OR1L8: variants seen among roughly 807,000 people sequenced by gnomAD.
OR1L8 encodes olfactory receptor 1L8.
For synonymous variants in OR1L8, 148 were observed against 147.0 expected, an observed-to-expected ratio of 1.01 and a Z score of -0.05; for missense variants, 330 against 377.4, an observed-to-expected ratio of 0.87 and a Z score of 1.04.
chr9:122,549,510 C>T, the OR1L8 span, among the ~76,000 whole-genome samples: 11 of 152,170 alleles, frequency 7.2e-5, no homozygotes, highest in Admixed American at 6.6e-4. Context: ...ACAGTTAAGT[C>T]TTTAATCCAT....
At chr9:122,553,863 G>A in the OR1L8 span, 43 of 1,613,918 alleles carry the variant, frequency 2.7e-5, no homozygotes, top group African/African-American at 2.3e-4. Context: ...CCTGCTGATC[G>A]TCTTCTCCTA....
At chr9:122,579,048 TAGAA>T (rs1215304977) in intron 1 of OR1L8, among the ~76,000 whole-genome samples, 1 of 150,396 alleles carries the variant, frequency 6.6e-6, no homozygotes. Flanking sequence ...TAAAAAAAAA[TAGAA>T]AGTCATTAAA....
chr9:122,574,772 G>T (rs986112357), intron 3 of OR1L8, among the ~76,000 whole-genome samples: 1 of 152,032 alleles, frequency 6.6e-6, no homozygotes, highest in African/African-American at 2.4e-5. Context: ...GTTCCTGAAT[G>T]TAATGGGAAA....
downstream of OR1L8, among the ~76,000 whole-genome samples, chr9:122,564,922 C>G (rs960444112): frequency 2.6e-5 from 4 of 152,184 alleles, no homozygotes; most frequent in African/African-American, 9.7e-5. Context: ...AGATGCCACA[C>G]TGGTCCATTA....
chr9:122,551,090 CAGT>C, the OR1L8 span, among the ~76,000 whole-genome samples: 3 of 152,136 alleles, frequency 2.0e-5, no homozygotes, highest in African/African-American at 7.2e-5. Flanking sequence ...GTACAAAAAT[CAGT>C]AGCATTTCTA....
At chr9:122,554,287 G>T in the OR1L8 span, 33 of 495,338 alleles carry the variant, frequency 6.7e-5, no homozygotes, top group Non-Finnish European at 9.3e-5. Flanking sequence ...AGTTAGGGAT[G>T]TAAAAAAAAA....
intron 1 of OR1L8, among the ~76,000 whole-genome samples, chr9:122,580,014 C>T (rs1235418779): frequency 6.6e-6 from 1 of 152,184 alleles, no homozygotes; most frequent in Non-Finnish European, 1.5e-5. Context: ...ATCGGTGCAA[C>T]TGCAGCCCAA....
intron 3 of OR1L8, among the ~76,000 whole-genome samples, chr9:122,575,952 CTTTT>C (rs925903667): frequency 2.0e-5 from 3 of 152,066 alleles, no homozygotes; most frequent in Non-Finnish European, 2.9e-5. Context: ...ATATTTCTTT[CTTTT>C]TATTTCACAT....
chr9:122,574,619 A>G (rs1272412938), intron 3 of OR1L8, among the ~76,000 whole-genome samples: 2 of 107,214 alleles, frequency 1.9e-5, no homozygotes, highest in Non-Finnish European at 4.7e-5. Flanking sequence ...TATATAGACA[A>G]TCAAATCATC....
the OR1L8 span, among the ~76,000 whole-genome samples, chr9:122,558,842 T>A: frequency 6.6e-6 from 1 of 152,124 alleles, no homozygotes; most frequent in South Asian, 2.1e-4. Context: ...TTCTTTTAAT[T>A]TTCTCTTCTT....
chr9:122,557,345 A>G, the OR1L8 span, among the ~76,000 whole-genome samples: 41,402 of 151,888 alleles, frequency 0.27, 5,813 homozygotes, highest in Middle Eastern at 0.34. Context: ...TAAGTATGAT[A>G]TTAACTGTAG....
At chr9:122,576,388 A>ATTTTTTT (rs71371951) in intron 3 of OR1L8, among the ~76,000 whole-genome samples, 1 of 138,610 alleles carries the variant, frequency 7.2e-6, no homozygotes. Flanking sequence ...CGCCCAGCTA[A>ATTTTTTT]TTTTTTTTTT....
At chr9:122,560,130 G>C in the OR1L8 span, among the ~76,000 whole-genome samples, 20 of 151,772 alleles carry the variant, frequency 1.3e-4, no homozygotes, top group Non-Finnish European at 1.5e-5. Context: ...AATCTGTTTT[G>C]TCAGAGACTA....
At chr9:122,553,482 C>T in the OR1L8 span, 1 of 1,614,114 alleles carries the variant, frequency 6.2e-7, no homozygotes, top group Non-Finnish European at 8.5e-7. Flanking sequence ...CATTCATACC[C>T]AGAGTCAGAT....
chr9:122,558,311 C>CTT, the OR1L8 span, among the ~76,000 whole-genome samples: 92 of 34,470 alleles, frequency 2.7e-3, 20 homozygotes, highest in African/African-American at 9.1e-3. Flanking sequence ...TTGGATTTTG[C>CTT]TTTTTTTTTT....
intron 3 of OR1L8, among the ~76,000 whole-genome samples, chr9:122,573,312 G>A (rs887741822): frequency 1.3e-5 from 2 of 152,252 alleles, no homozygotes; most frequent in Non-Finnish European, 2.9e-5. Flanking sequence ...TAAACTCAGA[G>A]CTTCTTAACT....
intron 2 of OR1L8, among the ~76,000 whole-genome samples, chr9:122,577,784 A>G (rs1158786631): frequency 6.6e-6 from 1 of 152,250 alleles, no homozygotes; most frequent in East Asian, 1.9e-4. Context: ...TGAAAGTGGT[A>G]CAAACATATC....
At chr9:122,573,112 A>G (rs1829582170) in intron 3 of OR1L8, among the ~76,000 whole-genome samples, 2 of 152,188 alleles carry the variant, frequency 1.3e-5, no homozygotes, top group Non-Finnish European at 2.9e-5. Flanking sequence ...TGAGCTTTCC[A>G]TGGGTTTGAG....
In OR1L8 at chr9:122,568,196, G is replaced by A; in HGVS notation, c.282C>T (p.Ser94=). The change falls in exon 5 of 5, where the codon TCC becomes TCT. Residue 94 remains serine (S), a synonymous_variant. Transcript: ENST00000641027. The part of the protein sequence containing the change: ...MNFLSEKKTI[S]YAGCLTQMYF... ...ACATCTGTGTCAGACACCCAGCATA[G>A]GAGATGGTCTTCTTTTCTGACAGGA... The A allele has an allele frequency of 6.2e-7, 1 of 1,614,228 alleles. No individual in the cohort carries two copies. The highest frequency in any genetic ancestry group is 1.7e-5 in the Admixed American group (1 of 60,028).
Sources: gnomAD v4.1 joint callset for allele counts (sites outside exome capture counted in the v4.1 genomes callset) on GRCh38, gnomAD v4.1.1 for gene constraint, MANE v1.5 for transcripts, NCBI Gene and HGNC (gene_info 2026-07-23, HGNC 2026-07-21) for gene names.